Variants in UTP11 observed in about 807,000 individuals in gnomAD.
The protein encoded by UTP11 is UTP11 small subunit processome component, also known as probable U3 small nucleolar RNA-associated protein 11.
A neutral mutation model predicts 39.0 loss-of-function variants in UTP11; 29 were observed. That is an observed-to-expected ratio of 0.74 (90% CI 0.55 to 1.01). UTP11 has a LOEUF of 1.01. UTP11 is among the 50% of genes least tolerant of loss of function. The pLI is 0.00. For missense variants in UTP11, 281 were observed against 306.0 expected, an observed-to-expected ratio of 0.92 and a Z score of 0.61; for synonymous variants, 111 against 105.0, an observed-to-expected ratio of 1.06 and a Z score of -0.35.
intron 1 of UTP11, among the ~76,000 whole-genome samples, chr1:38,013,665 A>G (rs1404144554): frequency 6.6e-6 from 1 of 152,202 alleles, no homozygotes; most frequent in Admixed American, 6.5e-5. Context: ...CTGATGGGAT[A>G]GAACTAAGGC....
intron 6 of UTP11, 87 bp from the exon 7 acceptor site, chr1:38,022,612 A>G: frequency 2.4e-6 from 2 of 829,392 alleles, no homozygotes; most frequent in Non-Finnish European, 4.0e-6. Context: ...GAAACTATGC[A>G]GTTGGCTTAA....
chr1:38,023,086 G>A (rs1646747661), intron 7 of UTP11, among the ~76,000 whole-genome samples: 3 of 152,126 alleles, frequency 2.0e-5, no homozygotes, highest in South Asian at 4.1e-4. Flanking sequence ...AGCAGCTCCC[G>A]TAACATTTAA....
chr1:38,013,876 T>C (rs1646692439), intron 1 of UTP11, among the ~76,000 whole-genome samples: 1 of 152,072 alleles, frequency 6.6e-6, no homozygotes, highest in Admixed American at 6.6e-5. Flanking sequence ...TACCATGCCC[T>C]GCTAATTTTT....
At chr1:38,014,019 C>G (rs145143139) in intron 1 of UTP11, among the ~76,000 whole-genome samples, 1 of 152,218 alleles carries the variant, frequency 6.6e-6, no homozygotes, top group Non-Finnish European at 1.5e-5. Context: ...CCGGCCAAAA[C>G]TATCACCTTT....
rs2148739627 is a variant in UTP11 at position 38,022,592 on chromosome 1, G to A, written c.568-107G>A. The stretch of plus-strand genomic sequence containing the variant: ...CGTTATGTTGATTCTGGTGAAAGAA[G>A]GGAGTTGATGAAACTATGCAGTTGG... On this transcript the variant is annotated intron_variant, in intron 6 of 7. Coordinates refer to ENST00000373014, the MANE Select transcript of UTP11 (RefSeq NM_016037.4). The A allele has an allele frequency of 5.7e-6, 4 of 701,256 alleles. No individual in the cohort carries two copies. In the East Asian group the frequency reaches 8.2e-5, roughly 14 times the overall value. The allele number at this position is 701,256 out of a possible 1,614,324, so 43.4% of individuals were successfully genotyped here.
At chr1:38,018,193 C>T (rs1214104270) in intron 3 of UTP11, among the ~76,000 whole-genome samples, 1 of 152,088 alleles carries the variant, frequency 6.6e-6, no homozygotes, top group African/African-American at 2.4e-5. Context: ...GCCTCAGCCT[C>T]TCGAGTAGCT....
intron 6 of UTP11, among the ~76,000 whole-genome samples, chr1:38,021,257 T>G (rs2148739054): frequency 6.6e-6 from 1 of 152,318 alleles, no homozygotes; most frequent in South Asian, 2.1e-4. Context: ...TCACTGACGC[T>G]TCTCAAGAAT....
rs747168945 is a variant in UTP11 at position 38,022,744 on chromosome 1, C to T, written c.613C>T (p.Arg205Trp). The T allele has an allele frequency of 1.2e-5, 20 of 1,613,752 alleles. No homozygotes were observed. The highest frequency in any genetic ancestry group is 1.6e-4 in the Middle Eastern group (1 of 6,084). ...AAAGCAGTATAACTGCCTGACACAG[C>T]GGATTGAACGAGAGAAGAAATTGTT... is the stretch of plus-strand genomic sequence containing the variant. ...RQKQYNCLTQ[R>W]IEREKKLFVI... Residue 205 changes from arginine to tryptophan, a missense_variant, in exon 7 of 8, where the codon CGG (arginine) becomes TGG (tryptophan). Arg to Trp is a moderately radical substitution (Grantham distance 101). Transcript: ENST00000373014.
At chr1:38,015,969 C>T (rs543768076) in intron 1 of UTP11, among the ~76,000 whole-genome samples, 3 of 152,238 alleles carry the variant, frequency 2.0e-5, no homozygotes, top group African/African-American at 7.2e-5. Flanking sequence ...TCTCCAGACT[C>T]TAAATTTAGC....
At chr1:38,023,176 G>A (rs1646748066) in intron 7 of UTP11, among the ~76,000 whole-genome samples, 1 of 152,208 alleles carries the variant, frequency 6.6e-6, no homozygotes, top group Non-Finnish European at 1.5e-5. Flanking sequence ...CAGAGCTGAG[G>A]AATATAAGAT....
chr1:38,014,411 G>T (rs1646695853), intron 1 of UTP11, among the ~76,000 whole-genome samples: 1 of 152,198 alleles, frequency 6.6e-6, no homozygotes, highest in South Asian at 2.1e-4. Flanking sequence ...GGGAGCTACT[G>T]AAGATATTTT....
chr1:38,018,376 T>G (rs896500107), intron 3 of UTP11, 88 bp from the exon 4 acceptor site: 33 of 959,614 alleles, frequency 3.4e-5, no homozygotes, highest in Admixed American at 7.0e-5. Context: ...TGGCCTATGG[T>G]TGTCTTTGTT....
chr1:38,024,649 C>T lies in UTP11; in HGVS notation c.*1021C>T, dbSNP rs1646755846. 1 of 151,892 alleles carries T rather than the reference C, an allele frequency of 6.6e-6. No individual in the cohort carries two copies. The highest frequency in any genetic ancestry group is 1.5e-5 in the Non-Finnish European group (1 of 67,962). 9.4% of individuals were successfully genotyped at this position (151,892 alleles called of 1,614,324 possible). On this transcript the variant is annotated 3_prime_UTR_variant, in exon 8 of 8. Coordinates refer to ENST00000373014, the MANE Select transcript of UTP11 (RefSeq NM_016037.4). ...GTCTCGATCTCCTGACCTCATGATC[C>T]ACCCGCCTCGGCCTCCCAAAGTGCT...
chr1:38,017,576 G>T, intron 2 of UTP11, 92 bp from the exon 3 acceptor site: 1 of 976,420 alleles, frequency 1.0e-6, no homozygotes. Flanking sequence ...CCTTTTAGAT[G>T]CTTGTAAAGT....
At position 38,012,861 on chromosome 1, in the gene UTP11, G is replaced by T. The variant is rs758125040; in HGVS notation, c.59G>T (p.Ser20Ile). Residue 20 changes from serine (S) to isoleucine (I), a missense_variant, in exon 1 of 8, where the codon AGC becomes ATC. Ser to Ile is a moderately radical substitution (Grantham distance 142). Coordinates refer to ENST00000373014, the MANE Select transcript of UTP11 (RefSeq NM_016037.4). ...KSRQREHRER[S>I]QPGFRKHLGL... is the part of the protein sequence containing the mutation. The stretch of plus-strand genomic sequence containing the variant: ...CGGCAGCGGGAACACAGAGAGCGAA[G>T]CCAGGTAGGACCATACAGGCCCCAC... 1 of 1,614,108 alleles carries T rather than the reference G, an allele frequency of 6.2e-7. No individual in the cohort carries two copies. The highest frequency in any genetic ancestry group is 8.5e-7 in the Non-Finnish European group (1 of 1,180,060).
chr1:38,012,960 G>A, intron 1 of UTP11, 95 bp downstream of exon 1: 1 of 1,476,486 alleles, frequency 6.8e-7, no homozygotes, highest in Non-Finnish European at 9.4e-7. Context: ...GGTCCAAACT[G>A]TATAGTATAT....
chr1:38,022,832 C>CT (rs766398800), intron 7 of UTP11, 23 bp downstream of exon 7: 8 of 1,489,872 alleles, frequency 5.4e-6, no homozygotes, highest in Admixed American at 4.0e-5. Context: ...AGCCTTAGGC[C>CT]TCTTTTTTTT....
intron 6 of UTP11, among the ~76,000 whole-genome samples, chr1:38,022,417 C>T (rs1646742553): frequency 2.0e-5 from 3 of 151,566 alleles, no homozygotes; most frequent in South Asian, 2.1e-4. Context: ...ATGTTGCCTA[C>T]GTTGGTCTGG....
intron 1 of UTP11, among the ~76,000 whole-genome samples, chr1:38,015,833 T>C (rs1439005469): frequency 1.3e-5 from 2 of 152,210 alleles, no homozygotes; most frequent in African/African-American, 4.8e-5. Context: ...CCTTGAATCC[T>C]CAGTATAACC....
Sources: allele counts gnomAD v4.1 joint callset (sites outside exome capture counted in the v4.1 genomes callset), GRCh38; gene constraint gnomAD v4.1.1; transcripts MANE v1.5; gene names NCBI Gene and HGNC (gene_info 2026-07-23, HGNC 2026-07-21).